Variants in NRXN1 observed in about 807,000 individuals in gnomAD.
NRXN1 encodes neurexin 1.
NRXN1 carries 39 observed loss-of-function variants against 150.9 expected under a neutral mutation model. The ratio of observed to expected loss-of-function variants is 0.26; its 90% CI spans 0.20 to 0.34. The LOEUF (loss-of-function observed/expected upper bound fraction) is 0.34, where lower values mean the gene tolerates loss of function less well. Ranked by LOEUF, NRXN1 falls within the 10% of genes least tolerant of loss-of-function variation. The pLI, the probability that NRXN1 is intolerant of heterozygous loss-of-function variation, is 1.00. For synonymous variants in NRXN1, 924 were observed against 757.0 expected, an observed-to-expected ratio of 1.22 and a Z score of -3.62; for missense variants, 1,815 against 1,949.9, an observed-to-expected ratio of 0.93 and a Z score of 1.30.
chr2:50,870,273 C>T (rs1214927484), intron 5 of NRXN1, among the ~76,000 whole-genome samples: 10 of 151,882 alleles, frequency 6.6e-5, no homozygotes, highest in Non-Finnish European at 1.3e-4. Flanking sequence ...TTAAACTTCA[C>T]TTACCCAAGC....
chr2:50,157,048 A>G (rs1230770123), intron 18 of NRXN1, among the ~76,000 whole-genome samples: 1 of 152,032 alleles, frequency 6.6e-6, no homozygotes, highest in Non-Finnish European at 1.5e-5. Context: ...AGTAGGTGTT[A>G]TTAAGTAGCC....
intron 2 of NRXN1, among the ~76,000 whole-genome samples, chr2:50,990,471 C>T (rs975704376): frequency 7.2e-5 from 11 of 152,062 alleles, no homozygotes; most frequent in Middle Eastern, 3.4e-3. Flanking sequence ...ACAGTTCAAG[C>T]GCTCTTTTGA....
chr2:50,743,756 T>G (rs1699710038), intron 5 of NRXN1, among the ~76,000 whole-genome samples: 1 of 152,188 alleles, frequency 6.6e-6, no homozygotes, highest in Admixed American at 6.5e-5. Context: ...GATTTCCTTT[T>G]CAGTGTTAAA....
chr2:50,597,623 T>C (rs973141016), intron 8 of NRXN1, among the ~76,000 whole-genome samples: 1 of 152,206 alleles, frequency 6.6e-6, no homozygotes. Context: ...TCCATGTGAA[T>C]GGCTCCTCAT....
intron 5 of NRXN1, among the ~76,000 whole-genome samples, chr2:50,727,448 A>ACT (rs1697522237): frequency 2.3e-5 from 1 of 44,188 alleles, no homozygotes; most frequent in Admixed American, 2.7e-4. Flanking sequence ...GCATCATTAC[A>ACT]CACACACACA....
chr2:50,526,549 C>T (rs548193797), intron 12 of NRXN1, among the ~76,000 whole-genome samples: 148 of 152,262 alleles, frequency 9.7e-4, no homozygotes, highest in Non-Finnish European at 1.9e-3. Flanking sequence ...GTAGAAATCA[C>T]TGCTCATTTA....
At chr2:50,854,378 A>G (rs867917713) in intron 5 of NRXN1, among the ~76,000 whole-genome samples, 4 of 152,116 alleles carry the variant, frequency 2.6e-5, no homozygotes, top group Non-Finnish European at 5.9e-5. Flanking sequence ...TCCACAGAAC[A>G]GTGCAAGGAA....
intron 21 of NRXN1, among the ~76,000 whole-genome samples, chr2:50,050,571 G>C (rs1235401800): frequency 6.6e-6 from 1 of 151,952 alleles, no homozygotes; most frequent in Middle Eastern, 3.2e-3. Context: ...GGCCACTATA[G>C]ACAACATTTA....
intron 5 of NRXN1, among the ~76,000 whole-genome samples, chr2:50,641,364 G>C (rs1436905800): frequency 1.3e-5 from 2 of 152,008 alleles, no homozygotes; most frequent in Non-Finnish European, 2.9e-5. Context: ...TTGGAAGCTG[G>C]AATGAGAGAA....
chr2:50,102,167 T>C (rs1289014038), intron 18 of NRXN1, among the ~76,000 whole-genome samples: 1 of 152,020 alleles, frequency 6.6e-6, no homozygotes, highest in Non-Finnish European at 1.5e-5. Context: ...GAGGAGAATA[T>C]GGAATCTCTA....
intron 18 of NRXN1, among the ~76,000 whole-genome samples, chr2:50,106,017 T>A (rs1000958023): frequency 1.3e-5 from 2 of 151,946 alleles, no homozygotes; most frequent in African/African-American, 4.8e-5. Context: ...AATTTCAGAT[T>A]ATGATTAGAA....
At chr2:50,244,948 G>A (rs2066363742) in intron 17 of NRXN1, among the ~76,000 whole-genome samples, 1 of 151,840 alleles carries the variant, frequency 6.6e-6, no homozygotes, top group Non-Finnish European at 1.5e-5. Flanking sequence ...AAAAATCTAT[G>A]TGTGTATATG....
At chr2:51,021,338 T>G (rs1297366443) in intron 2 of NRXN1, among the ~76,000 whole-genome samples, 1 of 151,918 alleles carries the variant, frequency 6.6e-6, no homozygotes, top group African/African-American at 2.4e-5. Context: ...CTGCAACCAG[T>G]GTAGCTGAGG....
chr2:50,189,134 T>C (rs559104334), intron 18 of NRXN1, among the ~76,000 whole-genome samples: 2 of 152,218 alleles, frequency 1.3e-5, no homozygotes, highest in African/African-American at 2.4e-5. Flanking sequence ...TCATCAATGA[T>C]AGAGTGGATA....
At chr2:51,031,440 A>AAT (rs148375708) in intron 1 of NRXN1, among the ~76,000 whole-genome samples, 124 of 151,178 alleles carry the variant, frequency 8.2e-4, no homozygotes, top group East Asian at 2.7e-3. Flanking sequence ...TGCACCCTTC[A>AAT]ATATATATAT....
At chr2:50,285,337 G>A (rs1022055787) in intron 17 of NRXN1, among the ~76,000 whole-genome samples, 3 of 152,114 alleles carry the variant, frequency 2.0e-5, no homozygotes, top group Non-Finnish European at 2.9e-5. Context: ...GATGGTTCAA[G>A]CCTATCCCAG....
intron 2 of NRXN1, among the ~76,000 whole-genome samples, chr2:50,988,948 C>G (rs1373073648): frequency 2.0e-5 from 3 of 151,944 alleles, no homozygotes; most frequent in Non-Finnish European, 4.4e-5. Flanking sequence ...GACAACTTCT[C>G]TCCTTGTCTT....
At chr2:50,211,926 T>C (rs1289493379) in intron 18 of NRXN1, among the ~76,000 whole-genome samples, 1 of 151,624 alleles carries the variant, frequency 6.6e-6, no homozygotes, top group African/African-American at 2.4e-5. Context: ...TATGCTGTAA[T>C]GTACTCTACA....
At chr2:50,631,606 G>A (rs1573888476) in intron 5 of NRXN1, among the ~76,000 whole-genome samples, 2 of 151,844 alleles carry the variant, frequency 1.3e-5, no homozygotes, top group African/African-American at 4.8e-5. Flanking sequence ...TTAAATTTGA[G>A]GATATTTCTG....
Sources: allele counts gnomAD v4.1 joint callset (sites outside exome capture counted in the v4.1 genomes callset), GRCh38; gene constraint gnomAD v4.1.1; transcripts MANE v1.5; gene names NCBI Gene and HGNC (gene_info 2026-07-23, HGNC 2026-07-21).